MN1: variants seen among roughly 807,000 people sequenced by gnomAD.
MN1 encodes the protein MN1 proto-oncogene, transcriptional regulator.
MN1 carries 19 observed loss-of-function variants against 86.9 expected under a neutral mutation model. The observed-to-expected ratio is 0.22, with a 90% CI of 0.15 to 0.32. MN1 has a LOEUF of 0.32. Ranked by LOEUF, MN1 falls within the 10% of genes least tolerant of loss-of-function variation. The probability of loss-of-function intolerance (pLI) is 1.00; values close to 1 mark genes in which losing one functional copy is unlikely to be tolerated. For synonymous variants in MN1, 928 were observed against 849.6 expected (o/e 1.09, Z -1.60); for missense variants, 1,841 against 1,862.0 (o/e 0.99, Z 0.21).
At chr22:27,755,295 G>A (rs534607185) in intron 1 of MN1, among the ~76,000 whole-genome samples, 6 of 152,306 alleles carry the variant, frequency 3.9e-5, no homozygotes, top group Admixed American at 3.3e-4. Flanking sequence ...ACGAGAGACT[G>A]GCAATACCAT....
intron 1 of MN1, among the ~76,000 whole-genome samples, chr22:27,755,444 C>A (rs752334653): frequency 5.9e-5 from 9 of 152,134 alleles, no homozygotes; most frequent in Non-Finnish European, 1.2e-4. Context: ...GATGGGCATG[C>A]CTGCCCAGCA....
At chr22:27,787,727 C>A (rs1389939843) in intron 1 of MN1, among the ~76,000 whole-genome samples, 1 of 152,158 alleles carries the variant, frequency 6.6e-6, no homozygotes, top group African/African-American at 2.4e-5. Context: ...CTTTTCCCAC[C>A]CCCATCATCC....
rs1315544304 is a variant in MN1 at position 27,796,767 on chromosome 22, T to C, written c.3777A>G (p.Lys1259=). ...EKAKPQNPNS[K]EAHDLPANKA... is the part of the protein sequence containing the mutation. ...GGAAAACGAGTGTGCATATACCTTC[T>C]TTGCTGTTGGGGTTCTGGGGTTTGG... The change falls in exon 1 of 2, where the codon AAA becomes AAG. Residue 1259 remains lysine, a synonymous_variant. Coordinates refer to ENST00000302326, the MANE Select transcript of MN1 (RefSeq NM_002430.3). 1 of 1,595,200 alleles carries C rather than the reference T, an allele frequency of 6.3e-7. No individual in the cohort carries two copies. Among genetic ancestry groups the C allele is most frequent in the Admixed American group, 1.7e-5 (1 of 59,692 alleles).
Position 27,801,274 on chromosome 22 carries a change from CG to C in MN1, c.-732del, listed in dbSNP as rs45541533. The C allele has an allele frequency of 0.011, 2,482 of 220,910 alleles. 49 individuals are homozygous for C. Among genetic ancestry groups the C allele is most frequent in the African/African-American group, 0.052 (2,299 of 44,506 alleles). The allele number at this position is 220,910 out of a possible 1,614,324, so 13.7% of individuals were successfully genotyped here. ...AGAGGGGCTGCGAGGCGGCAGGCGC[CG>C]GGGGCTGGAGCCGAGGGTCGGGGAA... On this transcript the variant is annotated 5_prime_UTR_variant, in exon 1 of 2. Coordinates refer to ENST00000302326, the MANE Select transcript of MN1 (RefSeq NM_002430.3).
rs1340250421 is a variant in MN1 at position 27,797,829 on chromosome 22, C to T, written c.2715G>A (p.Gly905=). ...GTSSSGSKAS[G]PPNPPAQGDG... ...CCCCCTGGGCTGGAGGGTTGGGCGG[C>T]CCCGAGGCTTTGGAGCCGCTGCTAC... Residue 905 remains glycine (G), a synonymous_variant, in exon 1 of 2, where the codon GGG becomes GGA. Transcript: ENST00000302326. The T allele has an allele frequency of 6.3e-7, 1 of 1,578,612 alleles. No homozygotes were observed. Among genetic ancestry groups the T allele is most frequent in the Non-Finnish European group, 8.6e-7 (1 of 1,164,790 alleles).
Position 27,800,546 on chromosome 22 carries a change from T to C in MN1, c.-3A>G, listed in dbSNP as rs761257137. Reference sequence around the variant, plus strand: ...TCGAATTGGTCCAGCCCAAACATACTTGGCGGGGGGCAGAGGGGGATCAAT... The same window carrying C: ...TCGAATTGGTCCAGCCCAAACATACCTGGCGGGGGGCAGAGGGGGATCAAT... On this transcript the variant is annotated 5_prime_UTR_variant, in exon 1 of 2. Transcript: ENST00000302326. 1 of 1,613,984 alleles carries C rather than the reference T, an allele frequency of 6.2e-7. No homozygotes were observed. Among genetic ancestry groups the C allele is most frequent in the Non-Finnish European group, 8.5e-7 (1 of 1,180,002 alleles).
chr22:27,761,629 G>A (rs1399101550), intron 1 of MN1, among the ~76,000 whole-genome samples: 4 of 151,958 alleles, frequency 2.6e-5, no homozygotes, highest in African/African-American at 7.3e-5. Context: ...TGGGGGCAGG[G>A]AGGGCCTGCA....
rs911391917 is a variant in MN1 at position 27,799,503 on chromosome 22, G to C, written c.1041C>G (p.Pro347=). 1.4e-6 allele frequency: 2 copies of C among 1,452,362 alleles called. No individual in the cohort carries two copies. Among genetic ancestry groups the C allele is most frequent in the Non-Finnish European group, 1.8e-6 (2 of 1,102,566 alleles). The allele number at this position is 1,452,362 out of a possible 1,614,324, so 90.0% of individuals were successfully genotyped here. The part of the protein sequence containing the change: ...LMQPPQQAPP[P]PQQQPPQQPP... ...GCTGCTGCGGGGGCTGCTGCTGAGGGGGTGGCGGGGCCTGCTGGGGAGGCT... is the reference window on the plus strand; with the variant it reads ...GCTGCTGCGGGGGCTGCTGCTGAGGCGGTGGCGGGGCCTGCTGGGGAGGCT... Residue 347 remains proline (P), a synonymous_variant, in exon 1 of 2, where the codon CCC becomes CCG. Coordinates refer to ENST00000302326, the MANE Select transcript of MN1 (RefSeq NM_002430.3).
At chr22:27,780,477 A>G (rs1933038129) in intron 1 of MN1, among the ~76,000 whole-genome samples, 1 of 152,202 alleles carries the variant, frequency 6.6e-6, no homozygotes, top group African/African-American at 2.4e-5. Context: ...TCCGGCTGAC[A>G]GCTGACATCA....
rs747503495 is a variant in MN1, at chr22:27,799,614, ATGC to A, written c.927_929del (p.Gln309del). On this transcript the variant is annotated inframe_deletion, in exon 1 of 2. Transcript: ENST00000302326. ...CACTGAACCTCTCAAAGAACACACC[ATGC>A]TGCTGCTGCTGCTGCTGGGGCTGCT... 4.7e-4 allele frequency: 710 copies of A among 1,519,040 alleles called. No homozygotes were observed. The highest frequency in any genetic ancestry group is 1.7e-3 in the South Asian group (138 of 79,206). The allele number at this position is 1,519,040 out of a possible 1,614,324, so 94.1% of individuals were successfully genotyped here. A position where few individuals can be genotyped will look rare whatever the true frequency, so the allele number is the denominator to read the frequency against.
chr22:27,800,418 C>G lies in MN1; in HGVS notation c.126G>C (p.Gly42=), dbSNP rs1023982544. ...THFKAPAFHT[G]GPPGPVDPAM... is the part of the protein sequence containing the mutation. ...CAGGATCCACAGGGCCAGGGGGCCC[C>G]CCAGTGTGGAAAGCCGGGGCCTTAA... Residue 42 remains glycine, a synonymous_variant, in exon 1 of 2, where the codon GGG becomes GGC. Coordinates refer to ENST00000302326, the MANE Select transcript of MN1 (RefSeq NM_002430.3). 2 of 1,614,186 alleles carry G rather than the reference C, an allele frequency of 1.2e-6. No homozygotes were observed. Among genetic ancestry groups the G allele is most frequent in the Non-Finnish European group, 1.7e-6 (2 of 1,180,032 alleles).
intron 1 of MN1, among the ~76,000 whole-genome samples, chr22:27,788,504 T>G (rs1025715238): frequency 1.3e-5 from 2 of 152,046 alleles, no homozygotes; most frequent in Non-Finnish European, 2.9e-5. Context: ...CATAAGATGG[T>G]CCCTCAGAAG....
rs1448873489 is a variant in MN1 at position 27,799,725 on chromosome 22, G to C, written c.819C>G (p.Ala273=). 1.3e-6 allele frequency: 2 copies of C among 1,575,418 alleles called. No homozygotes were observed. Among genetic ancestry groups the C allele is most frequent in the African/African-American group, 2.7e-5 (2 of 74,162 alleles). ...TGCCCGCAGCTCTGGGCATGGCCGA[G>C]GCGCCCGGGAAAGCGCCCCCAGGAA... ...RQVPGGAFPG[A]SAMPRAAGMV... is the part of the protein sequence containing the mutation. Residue 273 remains alanine, a synonymous_variant, in exon 1 of 2, where the codon GCC becomes GCG. Coordinates refer to ENST00000302326, the MANE Select transcript of MN1 (RefSeq NM_002430.3).
At chr22:27,763,708 C>T (rs1932849525) in intron 1 of MN1, among the ~76,000 whole-genome samples, 1 of 152,218 alleles carries the variant, frequency 6.6e-6, no homozygotes, top group Admixed American at 6.5e-5. Flanking sequence ...CACATGTGTG[C>T]CTGCAGCCAT....
At chr22:27,772,110 C>A (rs574053709) in intron 1 of MN1, among the ~76,000 whole-genome samples, 266 of 152,318 alleles carry the variant, frequency 1.7e-3, no homozygotes, top group African/African-American at 6.0e-3. Flanking sequence ...CCGGCCCTCC[C>A]TAGTCCTCCC....
Position 27,800,279 on chromosome 22 carries a change from G to C in MN1, c.265C>G (p.His89Asp). The change falls in exon 1 of 2, where the codon CAC becomes GAC. Residue 89 changes from histidine (H) to aspartate (D), a missense_variant. Physicochemically the swap from His to Asp is moderately conservative, Grantham distance 81. Coordinates refer to ENST00000302326, the MANE Select transcript of MN1 (RefSeq NM_002430.3). ...HAGGLQAQPV[H>D]GFFGGQQPHH... ...GGCTGCTGGCCGCCAAAGAAGCCGT[G>C]CACAGGCTGCGCTTGCAGCCCCCCT... 2 of 1,581,500 alleles carry C rather than the reference G, an allele frequency of 1.3e-6. No individual in the cohort carries two copies. Among genetic ancestry groups the C allele is most frequent in the Non-Finnish European group, 1.7e-6 (2 of 1,164,176 alleles).
intron 1 of MN1, among the ~76,000 whole-genome samples, chr22:27,783,170 T>C (rs970473094): frequency 6.6e-6 from 1 of 151,348 alleles, no homozygotes; most frequent in African/African-American, 2.4e-5. Context: ...AGTCTTGCTC[T>C]GTTGCCCAGG....
At chr22:27,762,618 T>C (rs1299611647) in intron 1 of MN1, among the ~76,000 whole-genome samples, 2 of 152,070 alleles carry the variant, frequency 1.3e-5, no homozygotes, top group Admixed American at 6.5e-5. Context: ...TTCACCCACA[T>C]AGTGTTAGAC....
intron 1 of MN1, among the ~76,000 whole-genome samples, chr22:27,790,934 C>T (rs538865537): frequency 2.1e-4 from 32 of 152,298 alleles, no homozygotes; most frequent in African/African-American, 7.0e-4. Context: ...TTAGGACTCA[C>T]GCTCATTCAG....
Sources: gnomAD v4.1 joint callset for allele counts (sites outside exome capture counted in the v4.1 genomes callset) on GRCh38, gnomAD v4.1.1 for gene constraint, MANE v1.5 for transcripts, NCBI Gene and HGNC (gene_info 2026-07-23, HGNC 2026-07-21) for gene names.